FUT9: variants seen among roughly 807,000 people sequenced by gnomAD.
FUT9 encodes the protein fucosyltransferase 9.
FUT9 carries 15 observed loss-of-function variants against 29.7 expected under a neutral mutation model. That is an observed-to-expected ratio of 0.51 (90% CI 0.34 to 0.78). The LOEUF (loss-of-function observed/expected upper bound fraction) is 0.78. Among genes scored for constraint, FUT9 ranks in the 30% least tolerant of loss-of-function variants. The probability of loss-of-function intolerance (pLI) is 0.01; values close to 1 mark genes in which losing one functional copy is unlikely to be tolerated. For missense variants in FUT9, 319 were observed against 425.4 expected (o/e 0.75, Z 2.20); for synonymous variants, 169 against 153.7 (o/e 1.10, Z -0.74).
chr6:96,146,405 T>G (rs568234931), intron 2 of FUT9, among the ~76,000 whole-genome samples: 10 of 152,268 alleles, frequency 6.6e-5, no homozygotes, highest in Non-Finnish European at 1.5e-4. Flanking sequence ...AACACAAAAT[T>G]TAAAATGTGG....
rs146760333 is a variant in FUT9 at position 96,017,403 on chromosome 6, A to G, written c.-98+1191A>G. 2.6e-5 allele frequency among the ~76,000 whole-genome samples: 4 copies of G among 152,268 alleles called. No individual in the cohort carries two copies. The East Asian group carries it at 5.8e-4, about 22-fold the overall frequency. On this transcript the variant is annotated intron_variant, in intron 1 of 2. Coordinates refer to ENST00000302103, the MANE Select transcript of FUT9 (RefSeq NM_006581.4). ...CTGAAACCATGTTTACCGTTTTATT[A>G]TTTCTAGTTGGAGTGCGAGAAAATA...
chr6:96,165,640 G>T (rs983292961), intron 2 of FUT9, among the ~76,000 whole-genome samples: 2 of 151,816 alleles, frequency 1.3e-5, no homozygotes, highest in Middle Eastern at 3.4e-3. Flanking sequence ...CTTGAGTCTC[G>T]CTCTGTCATC....
chr6:96,019,781 G>T (rs997770954), intron 1 of FUT9, among the ~76,000 whole-genome samples: 8 of 151,888 alleles, frequency 5.3e-5, no homozygotes, highest in Admixed American at 5.2e-4. Flanking sequence ...AAAGATTCAC[G>T]GAATTCAGAT....
At chr6:96,065,284 G>T (rs1183020289) in intron 1 of FUT9, among the ~76,000 whole-genome samples, 1 of 152,140 alleles carries the variant, frequency 6.6e-6, no homozygotes, top group Non-Finnish European at 1.5e-5. Flanking sequence ...CTGTCTAGTT[G>T]TTCAGTATGA....
At chr6:96,138,435 G>T (rs1036274818) in intron 2 of FUT9, among the ~76,000 whole-genome samples, 2 of 150,230 alleles carry the variant, frequency 1.3e-5, no homozygotes, top group Admixed American at 6.6e-5. Context: ...AAGGATATGT[G>T]CAGGAATATT....
At chr6:96,075,216 CA>C (rs1771124017) in intron 1 of FUT9, among the ~76,000 whole-genome samples, 1 of 151,992 alleles carries the variant, frequency 6.6e-6, no homozygotes, top group African/African-American at 2.4e-5. Context: ...ATCAGAAATA[CA>C]ACAAAAAGTT....
At chr6:96,082,727 T>G (rs1378955134) in intron 1 of FUT9, among the ~76,000 whole-genome samples, 3 of 151,948 alleles carry the variant, frequency 2.0e-5, no homozygotes, top group Non-Finnish European at 4.4e-5. Context: ...TATCTACTAT[T>G]TTTTGGAGAA....
At chr6:96,173,896 T>C (rs891360917) in intron 2 of FUT9, among the ~76,000 whole-genome samples, 5 of 152,132 alleles carry the variant, frequency 3.3e-5, no homozygotes, top group African/African-American at 1.2e-4. Context: ...TAAAATTTTC[T>C]ATTAAAAAAC....
chr6:96,156,773 T>C (rs1350909978), intron 2 of FUT9, among the ~76,000 whole-genome samples: 1 of 152,208 alleles, frequency 6.6e-6, no homozygotes, highest in African/African-American at 2.4e-5. Context: ...TTGAAGGTTT[T>C]TGTTGTTATT....
At chr6:96,168,634 T>C (rs1773056553) in intron 2 of FUT9, among the ~76,000 whole-genome samples, 2 of 152,044 alleles carry the variant, frequency 1.3e-5, no homozygotes, top group South Asian at 2.1e-4. Context: ...AGGTATGTAA[T>C]AGGAATAGAA....
chr6:96,213,563 G>A lies in FUT9; in HGVS notation c.*9328G>A, dbSNP rs759941492. 15 of 166,666 alleles carry A rather than the reference G, an allele frequency of 9.0e-5. No individual in the cohort carries two copies. The highest frequency in any genetic ancestry group is 1.6e-4 in the Non-Finnish European group (11 of 67,990). The allele number at this position is 166,666 out of a possible 1,614,324, so 10.3% of individuals were successfully genotyped here. ...TGCCAAATGTACAGTTTATAGGTTC[G>A]TGTTATTTCTGATAAGAATTTAATT... On this transcript the variant is annotated 3_prime_UTR_variant, in exon 3 of 3. Coordinates refer to ENST00000302103, the MANE Select transcript of FUT9 (RefSeq NM_006581.4).
chr6:96,100,931 T>C (rs972764411), intron 1 of FUT9, among the ~76,000 whole-genome samples: 9 of 152,154 alleles, frequency 5.9e-5, no homozygotes, highest in African/African-American at 2.2e-4. Context: ...TAGGACTTAG[T>C]GTTTGAATGA....
intron 1 of FUT9, among the ~76,000 whole-genome samples, chr6:96,090,471 A>G (rs1357620124): frequency 6.6e-6 from 1 of 151,902 alleles, no homozygotes; most frequent in Non-Finnish European, 1.5e-5. Flanking sequence ...TAATTATATC[A>G]ACTCATAATT....
chr6:96,193,213 T>G, intron 2 of FUT9, among the ~76,000 whole-genome samples: 1 of 6,682 alleles, frequency 1.5e-4, no homozygotes, highest in Non-Finnish European at 0.012. Flanking sequence ...GGGATCTAAT[T>G]AAACTAAAGA....
rs562870260 is a variant in FUT9 at position 96,208,700 on chromosome 6, G to A, written c.*4465G>A. On this transcript the variant is annotated 3_prime_UTR_variant, in exon 3 of 3. Transcript: ENST00000302103. ...GTAACATCTCAAGAAAGATTAGAAA[G>A]GATTTGGATCACGTTAACATTCTAT... The A allele has an allele frequency of 2.4e-5, 4 of 166,762 alleles. No individual in the cohort carries two copies. Among genetic ancestry groups the A allele is most frequent in the Non-Finnish European group, 5.9e-5 (4 of 67,962 alleles). The allele number at this position is 166,762 out of a possible 1,614,324, so 10.3% of individuals were successfully genotyped here. A position where few individuals can be genotyped will look rare whatever the true frequency, so the allele number is the denominator to read the frequency against.
rs563072598 is a variant in FUT9, at chr6:96,151,080, T to C, written c.-9+36953T>C. On this transcript the variant is annotated intron_variant, in intron 2 of 2. Coordinates refer to ENST00000302103, the MANE Select transcript of FUT9 (RefSeq NM_006581.4). ...AATGCTAATTGATACTTTGGAAATA[T>C]GATTTTCAAACTTAGCAGAGTGGGT... Among the ~76,000 whole-genome samples, 45 of 152,348 alleles carry C rather than the reference T, an allele frequency of 3.0e-4. 1 individual carries two copies. The highest frequency in any genetic ancestry group is 6.8e-3 in the Middle Eastern group (2 of 294).
intron 2 of FUT9, among the ~76,000 whole-genome samples, chr6:96,184,971 C>T (rs1023450172): frequency 5.3e-5 from 8 of 150,878 alleles, no homozygotes; most frequent in Non-Finnish European, 7.4e-5. Flanking sequence ...GATAGAAATG[C>T]TTTTTTTTTA....
chr6:96,103,938 G>C (rs1771633474), intron 1 of FUT9, among the ~76,000 whole-genome samples: 1 of 152,134 alleles, frequency 6.6e-6, no homozygotes, highest in African/African-American at 2.4e-5. Context: ...CCCATTCACA[G>C]GTACCAGGGG....
chr6:96,063,529 C>A (rs1386004643), intron 1 of FUT9, among the ~76,000 whole-genome samples: 2 of 152,144 alleles, frequency 1.3e-5, no homozygotes, highest in Non-Finnish European at 2.9e-5. Flanking sequence ...GGGGCATGAT[C>A]CAGACACCTC....
Sources: allele counts gnomAD v4.1 joint callset (sites outside exome capture counted in the v4.1 genomes callset), GRCh38; gene constraint gnomAD v4.1.1; transcripts MANE v1.5; gene names NCBI Gene and HGNC (gene_info 2026-07-23, HGNC 2026-07-21).